SORCS1: variants seen among roughly 807,000 people sequenced by gnomAD.
SORCS1 encodes the protein sortilin related VPS10 domain containing receptor 1, also known as VPS10 domain-containing receptor SorCS1.
A neutral mutation model predicts 146.1 loss-of-function variants in SORCS1; 60 were observed. The ratio of observed to expected loss-of-function variants is 0.41; its 90% CI spans 0.33 to 0.51. The LOEUF (loss-of-function observed/expected upper bound fraction) is 0.51. Ranked by LOEUF, SORCS1 falls within the 20% of genes least tolerant of loss-of-function variation. The pLI, the probability that SORCS1 is intolerant of heterozygous loss-of-function variation, is 0.21. For synonymous variants in SORCS1, 637 were observed against 584.0 expected, an observed-to-expected ratio of 1.09 and a Z score of -1.31; for missense variants, 1,352 against 1,487.6, an observed-to-expected ratio of 0.91 and a Z score of 1.50.
At chr10:106,620,231 A>C in intron 20 of SORCS1, 197 bp downstream of exon 20, 1 of 543,742 alleles carries the variant, frequency 1.8e-6, no homozygotes, top group Non-Finnish European at 3.0e-6. Context: ...GATGAAATGC[A>C]GAAGGTGGAG....
intron 3 of SORCS1, among the ~76,000 whole-genome samples, chr10:106,798,275 T>C (rs1946682257): frequency 6.6e-6 from 1 of 152,228 alleles, no homozygotes; most frequent in Non-Finnish European, 1.5e-5. Context: ...CCTCTTTCTT[T>C]TGTAAATTGC....
At chr10:106,642,248 C>A (rs1446131703) in intron 18 of SORCS1, among the ~76,000 whole-genome samples, 1 of 152,164 alleles carries the variant, frequency 6.6e-6, no homozygotes, top group African/African-American at 2.4e-5. Flanking sequence ...GATAGAGGCA[C>A]AAGCTCTGGT....
intron 2 of SORCS1, among the ~76,000 whole-genome samples, chr10:106,881,297 A>T (rs1950798317): frequency 6.6e-6 from 1 of 152,132 alleles, no homozygotes; most frequent in African/African-American, 2.4e-5. Context: ...GCAAAATAGG[A>T]ACAGCAGTGC....
At chr10:106,677,520 C>T (rs528165989) in intron 12 of SORCS1, 116 bp from the exon 13 acceptor site, 6 of 881,034 alleles carry the variant, frequency 6.8e-6, no homozygotes, top group Non-Finnish European at 1.1e-5. Context: ...ATAGGTTTCC[C>T]TAAATCTTTG....
chr10:107,160,440 T>A (rs922213514), intron 1 of SORCS1, among the ~76,000 whole-genome samples: 2 of 152,164 alleles, frequency 1.3e-5, no homozygotes, highest in Admixed American at 1.3e-4. Flanking sequence ...AGTGAGATGA[T>A]GAATGTAAAG....
chr10:107,020,719 T>C (rs1472267388), intron 1 of SORCS1, among the ~76,000 whole-genome samples: 5 of 152,230 alleles, frequency 3.3e-5, no homozygotes, highest in Non-Finnish European at 5.9e-5. Flanking sequence ...CAGACCTTTC[T>C]AAAGAATTTT....
chr10:106,608,963 C>G (rs10786958), intron 22 of SORCS1, among the ~76,000 whole-genome samples: 1 of 152,010 alleles, frequency 6.6e-6, no homozygotes. Context: ...AGAAGTGACA[C>G]GACTTGGAAC....
At chr10:106,649,153 C>A (rs568836458) in intron 18 of SORCS1, among the ~76,000 whole-genome samples, 5 of 152,164 alleles carry the variant, frequency 3.3e-5, no homozygotes, top group Non-Finnish European at 5.9e-5. Context: ...AAGGTAAGAA[C>A]CCGGGATACA....
intron 3 of SORCS1, among the ~76,000 whole-genome samples, chr10:106,805,982 C>A (rs111909732): frequency 0.094 from 13,977 of 148,448 alleles, 902 homozygotes; most frequent in African/African-American, 0.18. Context: ...ATGGCGTGAA[C>A]CCGGGAGGCA....
the SORCS1 span, among the ~76,000 whole-genome samples, chr10:107,170,406 C>T: frequency 1.3e-5 from 2 of 152,084 alleles, no homozygotes; most frequent in African/African-American, 4.8e-5. Context: ...AAAATGCTAC[C>T]TCAAAAAACT....
rs190622742 is a variant in SORCS1 at position 107,107,401 on chromosome 10, A to G, written c.558+56568T>C. 2.1e-3 allele frequency among the ~76,000 whole-genome samples: 313 copies of G among 152,350 alleles called. 1 individual carries two copies. The highest frequency in any genetic ancestry group is 3.3e-3 in the Non-Finnish European group (225 of 68,032). On this transcript the variant is annotated intron_variant, in intron 1 of 25. Coordinates refer to ENST00000263054, the MANE Select transcript of SORCS1 (RefSeq NM_052918.5). ...GGTAATCTTTGTTATAAAGTGGCAGATAACTTGGATGAATGGATTTTGTGT... is the reference window on the plus strand; with the variant it reads ...GGTAATCTTTGTTATAAAGTGGCAGGTAACTTGGATGAATGGATTTTGTGT...
intron 1 of SORCS1, among the ~76,000 whole-genome samples, chr10:107,125,379 G>A (rs1966657479): frequency 6.6e-6 from 1 of 152,150 alleles, no homozygotes; most frequent in Non-Finnish European, 1.5e-5. Context: ...CATGAAAACT[G>A]CTTTGGATTT....
chr10:107,145,910 T>C, intron 1 of SORCS1, among the ~76,000 whole-genome samples: 1 of 152,226 alleles, frequency 6.6e-6, no homozygotes, highest in East Asian at 1.9e-4. Context: ...GCTCTATTTT[T>C]AAGTCAGTGC....
chr10:107,081,881 C>T (rs532341844), intron 1 of SORCS1, among the ~76,000 whole-genome samples: 1 of 152,258 alleles, frequency 6.6e-6, no homozygotes, highest in South Asian at 2.1e-4. Flanking sequence ...GCTACATGAA[C>T]TAGCGGGAAA....
chr10:107,032,834 A>C (rs1958724651), intron 1 of SORCS1, among the ~76,000 whole-genome samples: 1 of 152,156 alleles, frequency 6.6e-6, no homozygotes, highest in Non-Finnish European at 1.5e-5. Context: ...CTTAAACTAC[A>C]TGATACCCTC....
intron 1 of SORCS1, among the ~76,000 whole-genome samples, chr10:107,075,126 TG>T (rs1962768651): frequency 6.6e-6 from 1 of 152,172 alleles, no homozygotes; most frequent in Non-Finnish European, 1.5e-5. Context: ...TTTTGTAAAC[TG>T]AGCAGTTTGG....
At chr10:106,759,158 A>T (rs1487741209) in intron 5 of SORCS1, among the ~76,000 whole-genome samples, 2 of 152,228 alleles carry the variant, frequency 1.3e-5, no homozygotes, top group African/African-American at 2.4e-5. Flanking sequence ...ATAAAAGCGA[A>T]AGAATTGGAG....
chr10:107,098,731 T>C (rs1964709346), intron 1 of SORCS1, among the ~76,000 whole-genome samples: 3 of 152,232 alleles, frequency 2.0e-5, no homozygotes, highest in Non-Finnish European at 4.4e-5. Flanking sequence ...AAGCTCCATA[T>C]TGACAATAAT....
intron 18 of SORCS1, among the ~76,000 whole-genome samples, chr10:106,646,423 C>T (rs879808093): frequency 5.1e-4 from 78 of 151,684 alleles, no homozygotes; most frequent in Middle Eastern, 3.4e-3. Flanking sequence ...TTGTTGGGCA[C>T]GGTGGCTCAC....
Sources: allele counts gnomAD v4.1 joint callset (sites outside exome capture counted in the v4.1 genomes callset), GRCh38; gene constraint gnomAD v4.1.1; transcripts MANE v1.5; gene names NCBI Gene and HGNC (gene_info 2026-07-23, HGNC 2026-07-21).